The following CALCR variants were observed in gnomAD, a reference collection of about 807,000 sequenced individuals.
CALCR encodes the protein calcitonin receptor.
Under a neutral mutation model 59.5 loss-of-function variants are expected in CALCR, and 47 were observed. The ratio of observed to expected loss-of-function variants is 0.79; its 90% CI spans 0.63 to 1.01. The LOEUF is 1.01. CALCR is among the 50% of genes least tolerant of loss of function. The pLI is 0.00. For missense variants in CALCR, 566 were observed against 597.1 expected (o/e 0.95, Z 0.54); for synonymous variants, 213 against 211.3 (o/e 1.01, Z -0.07).
chr7:93,547,801 T>C (rs753936002), intron 2 of CALCR, among the ~76,000 whole-genome samples: 23 of 152,190 alleles, frequency 1.5e-4, no homozygotes, highest in Admixed American at 6.6e-5. Context: ...TGAATTCACT[T>C]GACCTCTGTA....
At chr7:93,568,291 A>G (rs1789912375) in intron 2 of CALCR, among the ~76,000 whole-genome samples, 3 of 152,174 alleles carry the variant, frequency 2.0e-5, no homozygotes, top group African/African-American at 7.2e-5. Flanking sequence ...AGGGAAAATA[A>G]AGTAAGGCAG....
At chr7:93,516,358 C>A (rs1801650855) in intron 2 of CALCR, among the ~76,000 whole-genome samples, 1 of 151,862 alleles carries the variant, frequency 6.6e-6, no homozygotes, top group Non-Finnish European at 1.5e-5. Context: ...TTCATGAATT[C>A]ACTGCTCAGA....
chr7:93,454,795 AC>A, intron 8 of CALCR, among the ~76,000 whole-genome samples: 1 of 151,998 alleles, frequency 6.6e-6, no homozygotes, highest in South Asian at 2.1e-4. Context: ...TAAGATTCTC[AC>A]CCTTGGCCAT....
At chr7:93,453,751 A>T (rs984962935) in intron 8 of CALCR, among the ~76,000 whole-genome samples, 26 of 151,956 alleles carry the variant, frequency 1.7e-4, no homozygotes, top group African/African-American at 5.3e-4. Context: ...GAAACTGGAG[A>T]TTGGGTATAT....
At chr7:93,531,812 A>G (rs1269165404) in intron 2 of CALCR, among the ~76,000 whole-genome samples, 3 of 152,052 alleles carry the variant, frequency 2.0e-5, no homozygotes, top group Non-Finnish European at 4.4e-5. Context: ...GGTTAACTAA[A>G]TCTTAATCAA....
At chr7:93,531,687 A>G (rs761475471) in intron 2 of CALCR, among the ~76,000 whole-genome samples, 1 of 152,074 alleles carries the variant, frequency 6.6e-6, no homozygotes, top group Non-Finnish European at 1.5e-5. Context: ...GTTCATCCTT[A>G]TACTAGTTTC....
rs1584618669 is a variant in CALCR at position 93,542,619 on chromosome 7, G to C, written c.-27+31670C>G. Among the ~76,000 whole-genome samples, 3 of 152,156 alleles carry C rather than the reference G, an allele frequency of 2.0e-5. No individual in the cohort carries two copies. The East Asian group carries it at 5.8e-4, about 29-fold the overall frequency. ...GCTTACTGTAACTTTTAAAATTTAT[G>C]AGCTTTTAAATCTTTTGAACTTTTT... is the stretch of plus-strand genomic sequence containing the variant. On this transcript the variant is annotated intron_variant, in intron 2 of 13. Coordinates refer to ENST00000426151, the MANE Select transcript of CALCR (RefSeq NM_001742.4).
chr7:93,503,125 C>T lies in CALCR; in HGVS notation c.-26-16118G>A, dbSNP rs182168742. On this transcript the variant is annotated intron_variant, in intron 2 of 13. Coordinates refer to ENST00000426151, the MANE Select transcript of CALCR (RefSeq NM_001742.4). Reference sequence around the variant, plus strand: ...TTAAAAGAAATGATTTTTTCTTTTCCTCAAGTTACATGATAACTATGGGGC... The same window carrying T: ...TTAAAAGAAATGATTTTTTCTTTTCTTCAAGTTACATGATAACTATGGGGC... Among the ~76,000 whole-genome samples the T allele has an allele frequency of 1.9e-3, 281 of 151,876 alleles. 1 individual carries two copies. The highest frequency in any genetic ancestry group is 6.5e-3 in the African/African-American group (271 of 41,420).
chr7:93,569,880 C>T (rs535736934), intron 2 of CALCR, among the ~76,000 whole-genome samples: 4 of 148,276 alleles, frequency 2.7e-5, no homozygotes, highest in South Asian at 2.2e-4. Flanking sequence ...AGGGTTGCAG[C>T]GAGACATGAA....
At chr7:93,496,482 AACGAGCTGCCCTTTCACTT>A (rs1189944370) in intron 2 of CALCR, among the ~76,000 whole-genome samples, 1 of 151,504 alleles carries the variant, frequency 6.6e-6, no homozygotes, top group East Asian at 1.9e-4. Context: ...AAGTCATGAG[AACGAGCTGCCCTTTCACTT>A]ATAATTTTCT....
intron 2 of CALCR, among the ~76,000 whole-genome samples, chr7:93,541,417 C>T (rs955853149): frequency 6.6e-6 from 1 of 152,074 alleles, no homozygotes; most frequent in African/African-American, 2.4e-5. Context: ...CCTGCCTCGG[C>T]CTCCCAAAGT....
intron 8 of CALCR, among the ~76,000 whole-genome samples, chr7:93,454,990 A>G (rs1800182155): frequency 6.6e-6 from 1 of 151,656 alleles, no homozygotes; most frequent in East Asian, 1.9e-4. Flanking sequence ...ATAACCAAAG[A>G]AAAACCTTAT....
At chr7:93,568,320 A>C (rs911283083) in intron 2 of CALCR, among the ~76,000 whole-genome samples, 7 of 152,162 alleles carry the variant, frequency 4.6e-5, no homozygotes, top group Non-Finnish European at 8.8e-5. Context: ...AACTGATTGA[A>C]ATTATTGTGT....
At chr7:93,437,326 T>A (rs908842811) in intron 11 of CALCR, among the ~76,000 whole-genome samples, 1 of 152,168 alleles carries the variant, frequency 6.6e-6, no homozygotes, top group Admixed American at 6.5e-5. Flanking sequence ...ATCGTGAATT[T>A]ATGAGTAGCT....
At chr7:93,476,027 T>A (rs959905267) in intron 5 of CALCR, among the ~76,000 whole-genome samples, 3 of 151,812 alleles carry the variant, frequency 2.0e-5, no homozygotes, top group Non-Finnish European at 4.4e-5. Context: ...TCCCTAGAGA[T>A]TCAAATTCTA....
chr7:93,451,991 T>G (rs1041816853), intron 8 of CALCR, among the ~76,000 whole-genome samples: 1 of 151,786 alleles, frequency 6.6e-6, no homozygotes, highest in Non-Finnish European at 1.5e-5. Context: ...GACATAAACA[T>G]GGAAACAACA....
intron 2 of CALCR, among the ~76,000 whole-genome samples, chr7:93,489,598 C>T (rs953198981): frequency 6.6e-6 from 1 of 151,796 alleles, no homozygotes; most frequent in African/African-American, 2.4e-5. Flanking sequence ...TCACTGACCC[C>T]ACAGAAATAC....
intron 2 of CALCR, among the ~76,000 whole-genome samples, chr7:93,548,839 A>AGTGTGT (rs754317267): frequency 0.033 from 4,470 of 137,366 alleles, 148 homozygotes; most frequent in African/African-American, 0.073. Flanking sequence ...ATCCAGAAGA[A>AGTGTGT]GTGTGTGTGT....
chr7:93,434,381 G>C, intron 12 of CALCR, 87 bp from the exon 13 acceptor site: 1 of 765,718 alleles, frequency 1.3e-6, no homozygotes, highest in Non-Finnish European at 2.1e-6. Context: ...GCCCAGAGAA[G>C]GCCTGATGAA....
Sources: allele counts gnomAD v4.1 joint callset (sites outside exome capture counted in the v4.1 genomes callset), GRCh38; gene constraint gnomAD v4.1.1; transcripts MANE v1.5; gene names NCBI Gene and HGNC (gene_info 2026-07-23, HGNC 2026-07-21).